RASEF: variants seen among roughly 807,000 people sequenced by gnomAD.
RASEF encodes RAS and EF-hand domain containing, also known as ras and EF-hand domain-containing protein.
RASEF carries 68 observed loss-of-function variants against 90.1 expected under a neutral mutation model. The ratio of observed to expected loss-of-function variants is 0.75; its 90% CI spans 0.62 to 0.92. The LOEUF (loss-of-function observed/expected upper bound fraction) is 0.92, where lower values mean the gene tolerates loss of function less well. Among genes scored for constraint, RASEF ranks in the 40% least tolerant of loss-of-function variants. The pLI is 0.00. For synonymous variants in RASEF, 331 were observed against 345.2 expected (o/e 0.96, Z 0.46); for missense variants, 949 against 937.2 (o/e 1.01, Z -0.16).
the RASEF span, among the ~76,000 whole-genome samples, chr9:83,128,025 C>CTTTTTTTTTTTTT: frequency 1.5e-5 from 2 of 134,720 alleles, no homozygotes; most frequent in African/African-American, 2.8e-5. Flanking sequence ...TTTTTCTTTT[C>CTTTTTTTTTTTTT]TTTTTTTTTT....
At position 82,998,346 on chromosome 9, in the gene RASEF, C is replaced by A. The variant is rs376123293; in HGVS notation, c.1805+19G>T. 6.4e-7 allele frequency: 1 copy of A among 1,554,604 alleles called. No homozygotes were observed. Among genetic ancestry groups the A allele is most frequent in the Admixed American group, 1.7e-5 (1 of 59,744 alleles). Reference sequence around the variant, plus strand: ...AATGCAAACCCAGGATATCCCATAGCGCTGCGGAATGCACTTGCCTCTCCT... The same window carrying A: ...AATGCAAACCCAGGATATCCCATAGAGCTGCGGAATGCACTTGCCTCTCCT... On this transcript the variant is annotated intron_variant, in intron 13 of 16. Transcript: ENST00000376447.
rs150694356 is a variant in RASEF, at chr9:82,986,915, C to T, written c.2117+3476G>A. 2.6e-3 allele frequency among the ~76,000 whole-genome samples: 396 copies of T among 152,252 alleles called. 15 individuals carry two copies. In the East Asian group the frequency reaches 0.071, roughly 27 times the overall value. On this transcript the variant is annotated intron_variant, in intron 16 of 16. Coordinates refer to ENST00000376447, the MANE Select transcript of RASEF (RefSeq NM_152573.4). The stretch of plus-strand genomic sequence containing the variant: ...ATCAGCACTATATAGAAATTGCATT[C>T]CTAGGAGAAACTCTTCCTGGGATTG...
the RASEF span, among the ~76,000 whole-genome samples, chr9:83,195,222 A>G: frequency 2.6e-5 from 4 of 152,192 alleles, no homozygotes; most frequent in Non-Finnish European, 4.4e-5. Flanking sequence ...GCCCTCTCTC[A>G]TACCCATCAC....
At chr9:83,165,554 A>G in the RASEF span, among the ~76,000 whole-genome samples, 4 of 152,160 alleles carry the variant, frequency 2.6e-5, no homozygotes, top group Non-Finnish European at 5.9e-5. Flanking sequence ...GAAATGAAGA[A>G]ATCTAAAATC....
At position 83,049,630 on chromosome 9, in the gene RASEF, G is replaced by A. The variant is rs1218230303; in HGVS notation, c.431+12807C>T. Among the ~76,000 whole-genome samples the A allele has an allele frequency of 4.9e-5, 7 of 143,294 alleles. 1 individual carries two copies. Among genetic ancestry groups the A allele is most frequent in the African/African-American group, 1.1e-4 (4 of 35,486 alleles). The allele number at this position is 143,294 out of a possible 152,430, so 94.0% of individuals were successfully genotyped here. On this transcript the variant is annotated intron_variant, in intron 1 of 16. Transcript: ENST00000376447. ...ATGTATACATGTGCCATGCTGGTGCGCTGCACGCACTAACGTGTCATCTAC... is the reference window on the plus strand; with the variant it reads ...ATGTATACATGTGCCATGCTGGTGCACTGCACGCACTAACGTGTCATCTAC...
chr9:82,980,377 G>A lies in RASEF; in HGVS notation c.*2300C>T, dbSNP rs1205185017. ...TCTCTTTAAACATGATTGCTAACCA[G>A]AGCTCTAAGTCTCTAATTTGGATTA... On this transcript the variant is annotated 3_prime_UTR_variant, in exon 17 of 17. Transcript: ENST00000376447. 1 of 152,146 alleles carries A rather than the reference G, an allele frequency of 6.6e-6. No homozygotes were observed. The highest frequency in any genetic ancestry group is 2.4e-5 in the African/African-American group (1 of 41,420). 9.4% of individuals were successfully genotyped at this position (152,146 alleles called of 1,614,324 possible). A position where few individuals can be genotyped will look rare whatever the true frequency, so the allele number is the denominator to read the frequency against.
the RASEF span, among the ~76,000 whole-genome samples, chr9:83,074,813 C>T: frequency 2.0e-5 from 3 of 152,296 alleles, no homozygotes; most frequent in South Asian, 4.1e-4. Context: ...TCTCATAGCA[C>T]AAGTTAAATT....
chr9:83,203,583 T>C, the RASEF span, among the ~76,000 whole-genome samples: 1 of 152,150 alleles, frequency 6.6e-6, no homozygotes, highest in Non-Finnish European at 1.5e-5. Flanking sequence ...GCCTATTCCA[T>C]TACATTTTAG....
At chr9:83,042,831 C>T (rs901945545) in intron 1 of RASEF, among the ~76,000 whole-genome samples, 1 of 152,112 alleles carries the variant, frequency 6.6e-6, no homozygotes, top group African/African-American at 2.4e-5. Context: ...TCTAATGTAT[C>T]TGATAATTTG....
chr9:83,093,763 CG>C, the RASEF span, among the ~76,000 whole-genome samples: 1 of 152,230 alleles, frequency 6.6e-6, no homozygotes, highest in Admixed American at 6.5e-5. Context: ...CACAGTGCAG[CG>C]GTGGGCTGAA....
chr9:83,207,598 CTTTTT>C, the RASEF span, among the ~76,000 whole-genome samples: 6 of 85,456 alleles, frequency 7.0e-5, no homozygotes, highest in Non-Finnish European at 1.1e-4. Flanking sequence ...AGGAGGGCTG[CTTTTT>C]TTTTTTTTTT....
the RASEF span, among the ~76,000 whole-genome samples, chr9:83,199,928 T>C: frequency 6.6e-6 from 1 of 152,128 alleles, no homozygotes; most frequent in African/African-American, 2.4e-5. Context: ...AGGCACACCA[T>C]GGAGCATGAT....
At chr9:83,184,705 C>T in the RASEF span, among the ~76,000 whole-genome samples, 1 of 152,164 alleles carries the variant, frequency 6.6e-6, no homozygotes, top group African/African-American at 2.4e-5. Flanking sequence ...TAGGCATTGC[C>T]CTTTTCTCTA....
At chr9:83,133,136 G>A in the RASEF span, among the ~76,000 whole-genome samples, 1 of 152,170 alleles carries the variant, frequency 6.6e-6, no homozygotes, top group Non-Finnish European at 1.5e-5. Context: ...AAGAAAGAGA[G>A]AGAGATTTTG....
At chr9:83,110,017 A>G in the RASEF span, among the ~76,000 whole-genome samples, 2 of 152,202 alleles carry the variant, frequency 1.3e-5, no homozygotes, top group East Asian at 1.9e-4. Context: ...CTCAACTCTT[A>G]TAAGTTTATC....
the RASEF span, among the ~76,000 whole-genome samples, chr9:83,168,426 C>A: frequency 1.9e-3 from 285 of 152,080 alleles, no homozygotes; most frequent in Non-Finnish European, 3.4e-3. Context: ...TGTGATACAA[C>A]CATACAATGT....
Position 83,039,334 on chromosome 9 carries a change from T to C in RASEF, c.432-13413A>G, listed in dbSNP as rs909241444. Among the ~76,000 whole-genome samples, 4 of 152,284 alleles carry C rather than the reference T, an allele frequency of 2.6e-5. No homozygotes were observed. The Middle Eastern group carries it at 0.01, about 388-fold the overall frequency. ...GTTACCCTATCAGTCTCATATCCCC[T>C]GTAGCACCCGGCACCTACAGGTTTG... On this transcript the variant is annotated intron_variant, in intron 1 of 16. Transcript: ENST00000376447.
At chr9:83,132,291 C>T in the RASEF span, among the ~76,000 whole-genome samples, 1 of 152,090 alleles carries the variant, frequency 6.6e-6, no homozygotes, top group Non-Finnish European at 1.5e-5. Context: ...GTGAGGAAAC[C>T]CAATCTAGCC....
At chr9:83,006,093 C>T (rs144875821) in intron 7 of RASEF, among the ~76,000 whole-genome samples, 7 of 152,358 alleles carry the variant, frequency 4.6e-5, no homozygotes, top group African/African-American at 1.7e-4. Context: ...TATGATTCCA[C>T]AGCTCCTACA....
Sources: allele counts gnomAD v4.1 joint callset (sites outside exome capture counted in the v4.1 genomes callset), GRCh38; gene constraint gnomAD v4.1.1; transcripts MANE v1.5; gene names NCBI Gene and HGNC (gene_info 2026-07-23, HGNC 2026-07-21).